The following MYO1B variants were observed in gnomAD, a reference collection of about 807,000 sequenced individuals.
The protein encoded by MYO1B is unconventional myosin-Ib.
In MYO1B, 72 loss-of-function variants were observed where a neutral mutation model predicts 159.7. The ratio of observed to expected loss-of-function variants is 0.45; its 90% CI spans 0.37 to 0.55. MYO1B has a LOEUF of 0.55. Ranked by LOEUF, MYO1B falls within the 20% of genes least tolerant of loss-of-function variation. The pLI is 0.00. For missense variants in MYO1B, 1,062 were observed against 1,364.8 expected (o/e 0.78, Z 3.50); for synonymous variants, 468 against 473.8 (o/e 0.99, Z 0.16).
At chr2:191,270,896 A>G (rs1490508505) in intron 1 of MYO1B, among the ~76,000 whole-genome samples, 1 of 152,234 alleles carries the variant, frequency 6.6e-6, no homozygotes, top group East Asian at 1.9e-4. Flanking sequence ...AGTGGCTTGA[A>G]GCCACTGTCA....
At chr2:191,399,047 C>T (rs1401866758) in intron 21 of MYO1B, among the ~76,000 whole-genome samples, 3 of 152,190 alleles carry the variant, frequency 2.0e-5, no homozygotes, top group African/African-American at 4.8e-5. Context: ...GCGGATCACT[C>T]GCGGTTAGGA....
chr2:191,396,289 G>C, intron 20 of MYO1B, 140 bp from the exon 21 acceptor site: 1 of 750,036 alleles, frequency 1.3e-6, no homozygotes, highest in Non-Finnish European at 2.2e-6. Context: ...TGATATTTTG[G>C]TTTCTTTATG....
intron 4 of MYO1B, among the ~76,000 whole-genome samples, chr2:191,335,569 T>C (rs1269757435): frequency 6.6e-6 from 1 of 152,200 alleles, no homozygotes; most frequent in Non-Finnish European, 1.5e-5. Flanking sequence ...AAATGTCATA[T>C]CATCTTATGC....
chr2:191,372,937 A>G (rs1296160304), intron 13 of MYO1B, among the ~76,000 whole-genome samples: 1 of 113,770 alleles, frequency 8.8e-6, no homozygotes, highest in Non-Finnish European at 1.6e-5. Context: ...TCCAGGCTGG[A>G]GTGCAGTGGT....
chr2:191,398,767 T>A (rs1358510549), intron 21 of MYO1B, among the ~76,000 whole-genome samples: 430 of 127,960 alleles, frequency 3.4e-3, no homozygotes, highest in South Asian at 6.5e-3. Context: ...GCAGAGACGC[T>A]CCTCACTTTC....
intron 30 of MYO1B, among the ~76,000 whole-genome samples, chr2:191,420,203 AAAAAC>A (rs753028449): frequency 6.6e-5 from 10 of 152,350 alleles, no homozygotes; most frequent in South Asian, 2.1e-4. Context: ...ACCCTGCCTC[AAAAAC>A]AAAACAAAAG....
chr2:191,283,675 G>A (rs1357159306), intron 2 of MYO1B, among the ~76,000 whole-genome samples: 1 of 152,202 alleles, frequency 6.6e-6, no homozygotes, highest in East Asian at 1.9e-4. Flanking sequence ...CACACAGCAA[G>A]TAGGTGATGG....
chr2:191,275,505 A>C (rs1687698726), intron 1 of MYO1B, among the ~76,000 whole-genome samples: 1 of 152,202 alleles, frequency 6.6e-6, no homozygotes. Flanking sequence ...GACCAACTAA[A>C]TGTAGTTTCT....
chr2:191,392,955 C>A, intron 19 of MYO1B, 118 bp from the exon 20 acceptor site: 1 of 858,698 alleles, frequency 1.2e-6, no homozygotes, highest in Non-Finnish European at 1.8e-6. Flanking sequence ...TTTTTCAGTT[C>A]TTTTTTTCAA....
chr2:191,362,591 A>C (rs1247549511), intron 9 of MYO1B, among the ~76,000 whole-genome samples: 1 of 152,200 alleles, frequency 6.6e-6, no homozygotes, highest in Non-Finnish European at 1.5e-5. Flanking sequence ...TGATTTTACC[A>C]TTTATCATAA....
At chr2:191,390,860 G>A (rs190195271) in intron 18 of MYO1B, among the ~76,000 whole-genome samples, 1 of 152,344 alleles carries the variant, frequency 6.6e-6, no homozygotes, top group Non-Finnish European at 1.5e-5. Context: ...GAGAATCAGT[G>A]GATGGGTGAA....
In MYO1B at chr2:191,397,727, C is replaced by T. The variant is rs1474586653; in HGVS notation, c.2295+1230C>T. 3.4e-5 allele frequency among the ~76,000 whole-genome samples: 5 copies of T among 145,274 alleles called. No homozygotes were observed. In the East Asian group the frequency reaches 1.1e-3, roughly 32 times the overall value. On this transcript the variant is annotated intron_variant, in intron 21 of 30. Transcript: ENST00000392318. ...GCTGGGCACACCTCCCAGACGGGGTCGTGGCCGGGCAGAGGGGCTCCTCAC... is the reference window on the plus strand; with the variant it reads ...GCTGGGCACACCTCCCAGACGGGGTTGTGGCCGGGCAGAGGGGCTCCTCAC...
At chr2:191,246,007 A>G (rs1444680473) in intron 1 of MYO1B, 1 of 152,280 alleles carries the variant, frequency 6.6e-6, no homozygotes, top group Admixed American at 6.5e-5. Context: ...GGCCCCCTGG[A>G]AAGACACGGT....
Position 191,267,540 on chromosome 2 carries a change from A to G in MYO1B, c.-9-9347A>G, listed in dbSNP as rs368522911. ...TATAATTGGTGAGGTAAATGCCATG[A>G]ATAGACACACCTTATATAAATATCT... On this transcript the variant is annotated intron_variant, in intron 1 of 30. Transcript: ENST00000392318. Among the ~76,000 whole-genome samples the G allele has an allele frequency of 5.9e-5, 9 of 152,350 alleles. No homozygotes were observed. The East Asian group carries it at 1.4e-3, about 23-fold the overall frequency.
intron 2 of MYO1B, among the ~76,000 whole-genome samples, chr2:191,278,654 C>G (rs1056501385): frequency 6.6e-6 from 1 of 152,208 alleles, no homozygotes; most frequent in Non-Finnish European, 1.5e-5. Context: ...ATTTAAAGTG[C>G]TGATCCAAAT....
intron 13 of MYO1B, among the ~76,000 whole-genome samples, chr2:191,374,229 G>A (rs1449541095): frequency 6.6e-6 from 1 of 152,228 alleles, no homozygotes; most frequent in African/African-American, 2.4e-5. Context: ...AGGGGTCAGA[G>A]TATGGAAGAA....
At chr2:191,331,278 A>G (rs993243198) in intron 4 of MYO1B, among the ~76,000 whole-genome samples, 2 of 151,800 alleles carry the variant, frequency 1.3e-5, no homozygotes, top group Non-Finnish European at 2.9e-5. Context: ...ATGGTGTCAT[A>G]TTGTTGAAGG....
At chr2:191,347,726 T>C (rs1284301183) in intron 6 of MYO1B, among the ~76,000 whole-genome samples, 1 of 152,236 alleles carries the variant, frequency 6.6e-6, no homozygotes, top group African/African-American at 2.4e-5. Flanking sequence ...TTTAGCAGTT[T>C]CTCTGCTTTG....
At chr2:191,330,605 GA>G (rs1310271403) in intron 4 of MYO1B, among the ~76,000 whole-genome samples, 1 of 152,226 alleles carries the variant, frequency 6.6e-6, no homozygotes, top group East Asian at 1.9e-4. Context: ...TGGTGGTCTT[GA>G]GTGAGAAAAT....
Sources: allele counts gnomAD v4.1 joint callset (sites outside exome capture counted in the v4.1 genomes callset), GRCh38; gene constraint gnomAD v4.1.1; transcripts MANE v1.5; gene names NCBI Gene and HGNC (gene_info 2026-07-23, HGNC 2026-07-21).